AGAP1: variants seen among roughly 807,000 people sequenced by gnomAD.
AGAP1 encodes the protein ArfGAP with GTPase domain, ankyrin repeat and PH domain 1.
AGAP1 carries 29 observed loss-of-function variants against 105.3 expected under a neutral mutation model. The observed-to-expected ratio is 0.28, with a 90% CI of 0.21 to 0.38. The LOEUF (loss-of-function observed/expected upper bound fraction) is 0.38. Among genes scored for constraint, AGAP1 ranks in the 10% least tolerant of loss-of-function variants. The pLI, the probability that AGAP1 is intolerant of heterozygous loss-of-function variation, is 1.00. For synonymous variants in AGAP1, 509 were observed against 485.9 expected (o/e 1.05, Z -0.63); for missense variants, 998 against 1,165.1 (o/e 0.86, Z 2.09).
chr2:236,091,045 T>A lies in AGAP1; in HGVS notation c.2115-29147T>A, dbSNP rs1330598471. On this transcript the variant is annotated intron_variant, in intron 16 of 17. Coordinates refer to ENST00000304032, the MANE Select transcript of AGAP1 (RefSeq NM_001037131.3). ...TGTGCCACCGCACCGGCCGTAATCG[T>A]TCCTGGTAAGCACATTTCTGAACAC... Among the ~76,000 whole-genome samples, 3 of 152,238 alleles carry A rather than the reference T, an allele frequency of 2.0e-5. No individual in the cohort carries two copies. The East Asian group carries it at 5.8e-4, about 29-fold the overall frequency.
chr2:235,684,265 C>T (rs138374837), intron 1 of AGAP1, among the ~76,000 whole-genome samples: 4,165 of 152,108 alleles, frequency 0.027, 192 homozygotes, highest in African/African-American at 0.095. Flanking sequence ...AGGATGGTCT[C>T]GATCTCCTGA....
rs72989283 is a variant in AGAP1, at chr2:235,961,357, G to A, written c.1484-7105G>A. Among the ~76,000 whole-genome samples the A allele has an allele frequency of 0.014, 2,101 of 152,338 alleles. 22 individuals carry two copies. Among genetic ancestry groups the A allele is most frequent in the Middle Eastern group, 0.037 (11 of 294 alleles). ...CTCCACACGGCTCCCCGTCTAAGGC[G>A]GCAGGGATGAGCTGTGTGGATGCTG... is the stretch of plus-strand genomic sequence containing the variant. On this transcript the variant is annotated intron_variant, in intron 12 of 17. Coordinates refer to ENST00000304032, the MANE Select transcript of AGAP1 (RefSeq NM_001037131.3). The surrounding 1 kb of genome is among the most constrained non-coding windows in gnomAD (Gnocchi z 5.9).
chr2:236,112,872 T>A (rs1047703445), intron 16 of AGAP1, among the ~76,000 whole-genome samples: 1 of 152,188 alleles, frequency 6.6e-6, no homozygotes, highest in African/African-American at 2.4e-5. Context: ...GGGGGCCAGA[T>A]TGGGAGCCCC....
At position 235,637,840 on chromosome 2, in the gene AGAP1, A is replaced by C. The variant is rs549682478; in HGVS notation, c.164-71339A>C. ...ACTGGGAAGACTGGTGGCATCCTTCAGCCCGAGAACCAGGAGCTCTGATGT... is the reference window on the plus strand; with the variant it reads ...ACTGGGAAGACTGGTGGCATCCTTCCGCCCGAGAACCAGGAGCTCTGATGT... On this transcript the variant is annotated intron_variant, in intron 1 of 17. Transcript: ENST00000304032. Among the ~76,000 whole-genome samples, 8 of 152,300 alleles carry C rather than the reference A, an allele frequency of 5.3e-5. No homozygotes were observed. In the South Asian group the frequency reaches 1.7e-3, roughly 32 times the overall value.
chr2:235,624,030 C>T (rs554623050), intron 1 of AGAP1, among the ~76,000 whole-genome samples: 10 of 152,322 alleles, frequency 6.6e-5, no homozygotes, highest in African/African-American at 2.4e-4. Context: ...AACCTGCTCC[C>T]AGGCTGAATC....
At chr2:235,941,420 A>C (rs952063014) in intron 12 of AGAP1, among the ~76,000 whole-genome samples, 3 of 152,232 alleles carry the variant, frequency 2.0e-5, no homozygotes, top group Non-Finnish European at 4.4e-5. Flanking sequence ...TGGAGCAGGA[A>C]TCCAAACGGA....
rs2317019 is a variant in AGAP1, at chr2:235,927,837, A to G, written c.1325-2928A>G. 2.4e-4 allele frequency among the ~76,000 whole-genome samples: 37 copies of G among 152,216 alleles called. No individual in the cohort carries two copies. Among genetic ancestry groups the G allele is most frequent in the African/African-American group, 7.9e-4 (33 of 41,538 alleles). On this transcript the variant is annotated intron_variant, in intron 11 of 17. Coordinates refer to ENST00000304032, the MANE Select transcript of AGAP1 (RefSeq NM_001037131.3). The surrounding 1 kb of genome is among the most constrained non-coding windows in gnomAD (Gnocchi z 4.4). The stretch of plus-strand genomic sequence containing the variant: ...GTGCCATGTTGTCATCGTTGTCCCA[A>G]AGATGGAGGGACAGACAGACACAGT...
intron 16 of AGAP1, among the ~76,000 whole-genome samples, chr2:236,098,746 T>C (rs983016064): frequency 6.8e-6 from 1 of 147,960 alleles, no homozygotes; most frequent in Non-Finnish European, 1.5e-5. Flanking sequence ...TGCGTCAGCC[T>C]CCCCAGTAGC....
chr2:236,103,197 C>T (rs1194768153), intron 16 of AGAP1, among the ~76,000 whole-genome samples: 1 of 152,174 alleles, frequency 6.6e-6, no homozygotes, highest in Non-Finnish European at 1.5e-5. Flanking sequence ...CCGTTCCATC[C>T]TCCGGCCTCA....
chr2:236,098,954 G>A (rs972911248), intron 16 of AGAP1, among the ~76,000 whole-genome samples: 4 of 151,802 alleles, frequency 2.6e-5, no homozygotes, highest in Non-Finnish European at 4.4e-5. Flanking sequence ...AAACATCCTA[G>A]TGCGTAAGGA....
chr2:235,704,049 G>A (rs529319601), intron 1 of AGAP1, among the ~76,000 whole-genome samples: 3 of 152,194 alleles, frequency 2.0e-5, no homozygotes, highest in Non-Finnish European at 4.4e-5. Context: ...CAAACCCATG[G>A]CTCCTGGCTC....
In AGAP1 at chr2:235,768,292, A is replaced by G. The variant is rs558436739; in HGVS notation, c.673+17804A>G. On this transcript the variant is annotated intron_variant, in intron 6 of 17. Coordinates refer to ENST00000304032, the MANE Select transcript of AGAP1 (RefSeq NM_001037131.3). ...ATTTCTATATTTGTAAAATGGGACT[A>G]ATTGTATTTTCAGTACCTCAAATGA... is the stretch of plus-strand genomic sequence containing the variant. 1.3e-3 allele frequency among the ~76,000 whole-genome samples: 193 copies of G among 152,356 alleles called. 2 individuals are homozygous for G. Among genetic ancestry groups the G allele is most frequent in the African/African-American group, 4.4e-3 (182 of 41,580 alleles).
At chr2:235,860,848 A>G (rs1046551970) in intron 9 of AGAP1, among the ~76,000 whole-genome samples, 6 of 152,244 alleles carry the variant, frequency 3.9e-5, no homozygotes, top group African/African-American at 1.4e-4. Flanking sequence ...CCAAGACTGC[A>G]TTATTTGCCA....
intron 16 of AGAP1, among the ~76,000 whole-genome samples, chr2:236,057,016 T>C (rs1055606750): frequency 6.6e-6 from 1 of 152,214 alleles, no homozygotes; most frequent in Non-Finnish European, 1.5e-5. Context: ...TGCAAACATA[T>C]TATGTAACTA....
At chr2:236,065,168 G>A (rs2058312945) in intron 16 of AGAP1, among the ~76,000 whole-genome samples, 1 of 152,206 alleles carries the variant, frequency 6.6e-6, no homozygotes, top group South Asian at 2.1e-4. Context: ...AAACCTCTGG[G>A]TTTCAACACA....
chr2:236,066,047 G>T (rs866468298), intron 16 of AGAP1, among the ~76,000 whole-genome samples: 151 of 152,186 alleles, frequency 9.9e-4, no homozygotes, highest in Non-Finnish European at 1.8e-3. Context: ...GTAATGGCTT[G>T]CCCATGTGTC....
intron 1 of AGAP1, among the ~76,000 whole-genome samples, chr2:235,540,240 T>C (rs1454018366): frequency 6.8e-6 from 1 of 146,968 alleles, no homozygotes; most frequent in African/African-American, 2.5e-5. Flanking sequence ...AACCTCTGCC[T>C]CCTGAGTTCA....
chr2:235,686,634 T>G (rs1264963496), intron 1 of AGAP1, among the ~76,000 whole-genome samples: 1 of 51,898 alleles, frequency 1.9e-5, no homozygotes, highest in Non-Finnish European at 3.5e-5. Context: ...TATATATATA[T>G]ATATATATAT....
intron 13 of AGAP1, among the ~76,000 whole-genome samples, chr2:236,016,752 A>G (rs2056717679): frequency 6.6e-6 from 1 of 152,132 alleles, no homozygotes. Context: ...AGCACTGCAA[A>G]CATGGGGTCC....
Sources: allele counts gnomAD v4.1 joint callset (sites outside exome capture counted in the v4.1 genomes callset), GRCh38; gene constraint gnomAD v4.1.1; non-coding constraint Gnocchi (gnomAD v3.1); transcripts MANE v1.5; gene names NCBI Gene and HGNC (gene_info 2026-07-23, HGNC 2026-07-21).